The following KAT6A variants were observed in gnomAD, a reference collection of about 807,000 sequenced individuals.
KAT6A encodes the protein lysine acetyltransferase 6A.
In KAT6A, 9 loss-of-function variants were observed where a neutral mutation model predicts 198.4. The ratio of observed to expected loss-of-function variants is 0.05; its 90% CI spans 0.03 to 0.08. The LOEUF (loss-of-function observed/expected upper bound fraction) is 0.08. KAT6A is among the 10% of genes least tolerant of loss of function. KAT6A has a pLI of 1.00. For missense variants in KAT6A, 2,077 were observed against 2,509.9 expected (o/e 0.83, Z 3.69); for synonymous variants, 890 against 883.0 (o/e 1.01, Z -0.14).
At chr8:42,023,016 C>T (rs1417235041) in intron 2 of KAT6A, among the ~76,000 whole-genome samples, 1 of 152,176 alleles carries the variant, frequency 6.6e-6, no homozygotes, top group Non-Finnish European at 1.5e-5. Context: ...TAGCTTACTA[C>T]ACACCTAGGC....
At chr8:42,036,581 C>A (rs1003417083) in intron 2 of KAT6A, among the ~76,000 whole-genome samples, 5 of 152,078 alleles carry the variant, frequency 3.3e-5, no homozygotes, top group African/African-American at 9.7e-5. Flanking sequence ...CCACTGCACT[C>A]CAGCCTGGGT....
chr8:42,051,622 G>A (rs1036101115), intron 1 of KAT6A, among the ~76,000 whole-genome samples: 46 of 145,134 alleles, frequency 3.2e-4, no homozygotes, highest in African/African-American at 1.1e-3. Context: ...GGGGGCGCGG[G>A]GCCCGCGAGC....
At chr8:42,044,348 C>A (rs200339202) in intron 2 of KAT6A, among the ~76,000 whole-genome samples, 16 of 152,046 alleles carry the variant, frequency 1.1e-4, no homozygotes, top group East Asian at 7.7e-4. Flanking sequence ...ATCCACCCCC[C>A]CCTCGGCATC....
chr8:42,033,237 T>C (rs553858450), intron 2 of KAT6A, among the ~76,000 whole-genome samples: 19 of 152,288 alleles, frequency 1.2e-4, no homozygotes, highest in Non-Finnish European at 4.4e-5. Flanking sequence ...GATGTGTTCC[T>C]GGCCCTGTGG....
intron 2 of KAT6A, among the ~76,000 whole-genome samples, chr8:42,035,251 G>A (rs1827314303): frequency 6.6e-6 from 1 of 152,200 alleles, no homozygotes; most frequent in East Asian, 1.9e-4. Context: ...TTAAGCATCA[G>A]AATCGATGGC....
At chr8:42,014,844 C>A (rs1337538880) in intron 2 of KAT6A, among the ~76,000 whole-genome samples, 1 of 152,080 alleles carries the variant, frequency 6.6e-6, no homozygotes, top group Admixed American at 6.5e-5. Context: ...TCGGTACATG[C>A]AGTTATTACA....
At chr8:41,944,063 T>C in intron 12 of KAT6A, 84 bp from the exon 13 acceptor site, 3 of 853,618 alleles carry the variant, frequency 3.5e-6, no homozygotes, top group East Asian at 2.6e-5. Context: ...TCCCCTCTTC[T>C]ACAACCAAGA....
intron 2 of KAT6A, among the ~76,000 whole-genome samples, chr8:42,018,689 G>T (rs1307624030): frequency 6.6e-6 from 1 of 152,102 alleles, no homozygotes; most frequent in African/African-American, 2.4e-5. Flanking sequence ...TTGAGAGGCC[G>T]AGGTGGATGG....
At position 41,937,281 on chromosome 8, in the gene KAT6A, T is replaced by A. The variant is rs1170676998; in HGVS notation, c.3327A>T (p.Glu1109Asp). 7.5e-6 allele frequency: 12 copies of A among 1,604,686 alleles called. No individual in the cohort carries two copies. The highest frequency in any genetic ancestry group is 2.4e-5 in the East Asian group (1 of 41,162). ...SSKRKSKDEE[E>D]DEESDDADDT... ...CATCAGCATCATCTGACTCTTCATC[T>A]TCTTCTTCATCTTTAGACTTCCTCT... The change falls in exon 16 of 17, where the codon GAA (glutamate) becomes GAT (aspartate). Residue 1109 changes from glutamate to aspartate, a missense_variant. Physicochemically the swap from Glu to Asp is conservative, Grantham distance 45 (BLOSUM62 2). Transcript: ENST00000265713.
chr8:42,005,763 T>TACACACAC (rs142174569), intron 2 of KAT6A, among the ~76,000 whole-genome samples: 462 of 142,082 alleles, frequency 3.3e-3, no homozygotes, highest in African/African-American at 0.01. Flanking sequence ...TGCAAGCAAA[T>TACACACAC]ACACACACAC....
At position 41,930,409 on chromosome 8, in the gene KAT6A, G is replaced by C; in HGVS notation, c.*1796C>G. On this transcript the variant is annotated 3_prime_UTR_variant, in exon 17 of 17. Transcript: ENST00000265713. ...CTTGCACATGCTCAGAGCTGAGAGC[G>C]GGAAGATGTGGAATTCTGCGTTTCT... 4.4e-6 allele frequency: 1 copy of C among 225,522 alleles called. No individual in the cohort carries two copies. 14.0% of individuals were successfully genotyped at this position (225,522 alleles called of 1,614,324 possible). A position where few individuals can be genotyped will look rare whatever the true frequency, so the allele number is the denominator to read the frequency against.
intron 16 of KAT6A, among the ~76,000 whole-genome samples, chr8:41,936,191 G>A (rs1376968290): frequency 3.9e-5 from 6 of 152,210 alleles, no homozygotes; most frequent in Non-Finnish European, 4.4e-5. Flanking sequence ...GAACCCGGAG[G>A]TGGAGGTTGC....
At chr8:41,986,404 A>T (rs1038561118) in intron 3 of KAT6A, among the ~76,000 whole-genome samples, 1 of 152,228 alleles carries the variant, frequency 6.6e-6, no homozygotes, top group Non-Finnish European at 1.5e-5. Flanking sequence ...CAAGAAAAAC[A>T]AATCTGTTAT....
intron 2 of KAT6A, among the ~76,000 whole-genome samples, chr8:42,009,391 A>G (rs756218649): frequency 6.6e-6 from 1 of 151,664 alleles, no homozygotes; most frequent in Non-Finnish European, 1.5e-5. Context: ...CTTGCTGAAC[A>G]ACCATATACA....
At chr8:42,038,208 T>C (rs745603553) in intron 2 of KAT6A, among the ~76,000 whole-genome samples, 12 of 152,216 alleles carry the variant, frequency 7.9e-5, no homozygotes, top group African/African-American at 1.4e-4. Flanking sequence ...GGACTTTTTT[T>C]CCCAAAACTC....
At chr8:41,958,677 A>G (rs924070037) in intron 8 of KAT6A, among the ~76,000 whole-genome samples, 9 of 152,250 alleles carry the variant, frequency 5.9e-5, no homozygotes, top group African/African-American at 2.2e-4. Flanking sequence ...TGTATAGTAC[A>G]TGCATGTGTA....
At chr8:42,013,359 G>A (rs1472834746) in intron 2 of KAT6A, among the ~76,000 whole-genome samples, 5 of 151,410 alleles carry the variant, frequency 3.3e-5, no homozygotes, top group Non-Finnish European at 7.4e-5. Flanking sequence ...GGGTTCAAGC[G>A]ATTCTCCTGT....
At chr8:42,043,761 A>G (rs1827775990) in intron 2 of KAT6A, among the ~76,000 whole-genome samples, 2 of 152,220 alleles carry the variant, frequency 1.3e-5, no homozygotes, top group Admixed American at 1.3e-4. Context: ...CAGTATGGCT[A>G]TTACAAAGAC....
chr8:42,027,247 G>A (rs1227201827), intron 2 of KAT6A, among the ~76,000 whole-genome samples: 1 of 152,046 alleles, frequency 6.6e-6, no homozygotes, highest in Non-Finnish European at 1.5e-5. Flanking sequence ...TTCTTTTGTT[G>A]TTGTTGTTGT....
Sources: gnomAD v4.1 joint callset for allele counts (sites outside exome capture counted in the v4.1 genomes callset) on GRCh38, gnomAD v4.1.1 for gene constraint, MANE v1.5 for transcripts, NCBI Gene and HGNC (gene_info 2026-07-23, HGNC 2026-07-21) for gene names.